ANO7: variants seen among roughly 807,000 people sequenced by gnomAD.
ANO7 encodes anoctamin 7, also known as anoctamin-7.
Under a neutral mutation model 115.8 loss-of-function variants are expected in ANO7, and 114 were observed. The ratio of observed to expected loss-of-function variants is 0.98; its 90% CI spans 0.85 to 1.15. ANO7 has a LOEUF of 1.15. ANO7 is among the 50% of genes most tolerant of loss of function. The pLI is 0.00. For missense variants in ANO7, 1,302 were observed against 1,201.2 expected, an observed-to-expected ratio of 1.08 and a Z score of -1.24; for synonymous variants, 550 against 498.2, an observed-to-expected ratio of 1.10 and a Z score of -1.38.
chr2:241,189,944 C>G (rs535849624), intron 1 of ANO7, 113 bp from the exon 2 acceptor site: 1 of 789,722 alleles, frequency 1.3e-6, no homozygotes, highest in South Asian at 1.8e-5. Flanking sequence ...CCCCATTCTA[C>G]TCCGAGTCGA....
In ANO7 at chr2:241,203,046, C is replaced by T. The variant is rs769274008; in HGVS notation, c.724-287C>T. ...CCCAGAGAAGGTGCTGGACCCTGGA[C>T]CACCGCCACTGGCTTCTCTCAGGGT... is the stretch of plus-strand genomic sequence containing the variant. On this transcript the variant is annotated intron_variant, in intron 8 of 24. Transcript: ENST00000674324. The surrounding 1 kb of genome is among the most constrained non-coding windows in gnomAD (Gnocchi z 4.8). Among the ~76,000 whole-genome samples the T allele has an allele frequency of 6.6e-6, 1 of 152,168 alleles. No individual in the cohort carries two copies. The highest frequency in any genetic ancestry group is 1.5e-5 in the Non-Finnish European group (1 of 67,998).
rs373968869 is a variant in ANO7, at chr2:241,202,220, G to T, written c.639G>T (p.Pro213=). The T allele has an allele frequency of 3.2e-5, 52 of 1,613,650 alleles. No individual in the cohort carries two copies. The Middle Eastern group carries it at 4.9e-4, about 15-fold the overall frequency. ...QILFEILAKT[P]YGHEKKNLLG... is the part of the protein sequence containing the mutation. ...TGTTTGAGATCCTGGCCAAGACCCC[G>T]TATGGCCACGAGAAGAAAAACCTGC... The change falls in exon 8 of 25, where the codon CCG becomes CCT. Residue 213 remains proline (P), a synonymous_variant. Coordinates refer to ENST00000674324, the MANE Select transcript of ANO7 (RefSeq NM_001370694.2).
the ANO7 span, chr2:241,236,594 G>A: frequency 1.2e-6 from 2 of 1,611,124 alleles, no homozygotes; most frequent in African/African-American, 1.3e-5. Context: ...GGGGGGTGGA[G>A]GGGGGCACAT....
intron 18 of ANO7, among the ~76,000 whole-genome samples, chr2:241,215,250 T>A (rs566157782): frequency 6.6e-6 from 1 of 152,296 alleles, no homozygotes; most frequent in Non-Finnish European, 1.5e-5. Context: ...TTCCTTGGCA[T>A]CCCCAGGCCC....
chr2:241,198,422 C>T (rs957205571), intron 4 of ANO7, among the ~76,000 whole-genome samples: 44 of 152,278 alleles, frequency 2.9e-4, no homozygotes, highest in African/African-American at 1.0e-3. Context: ...GTGGCGTGGT[C>T]CCATGAGTTT....
chr2:241,194,126 C>T (rs967286602), intron 3 of ANO7, among the ~76,000 whole-genome samples: 1 of 151,712 alleles, frequency 6.6e-6, no homozygotes, highest in Admixed American at 6.6e-5. Context: ...CTGCCTGCCT[C>T]GGCCTCCCAA....
At chr2:241,194,643 G>A (rs1380868166) in intron 3 of ANO7, among the ~76,000 whole-genome samples, 2 of 152,224 alleles carry the variant, frequency 1.3e-5, no homozygotes, top group African/African-American at 2.4e-5. Context: ...AAAAGAGCGA[G>A]ACAGAATGCC....
chr2:241,239,082 G>A, the ANO7 span, among the ~76,000 whole-genome samples: 19 of 150,078 alleles, frequency 1.3e-4, no homozygotes, highest in African/African-American at 4.6e-4. This position sits in a 1 kb window ranked among gnomAD's most constrained non-coding sequence, Gnocchi z 4.6. Context: ...ACTCCATGAG[G>A]AGGCATCAGA....
At chr2:241,235,062 C>A in the ANO7 span, 1 of 1,584,616 alleles carries the variant, frequency 6.3e-7, no homozygotes, top group Non-Finnish European at 8.6e-7. Flanking sequence ...TAGATTCTGA[C>A]ATGTGCCCAA....
At chr2:241,221,401 CAG>C (rs1210795630) in intron 21 of ANO7, among the ~76,000 whole-genome samples, 18 of 152,008 alleles carry the variant, frequency 1.2e-4, no homozygotes, top group African/African-American at 3.4e-4. Flanking sequence ...TTCTTTGGGA[CAG>C]AGTCTTGCTC....
downstream of ANO7, chr2:241,229,851 G>C: frequency 6.3e-7 from 1 of 1,579,650 alleles, no homozygotes; most frequent in Non-Finnish European, 8.6e-7. Context: ...TGCTGCTGGC[G>C]GTCCAGGGTG....
chr2:241,212,158 C>A lies in ANO7; in HGVS notation c.1626C>A (p.Phe542Leu). 5.6e-6 allele frequency: 9 copies of A among 1,614,156 alleles called. No individual in the cohort carries two copies. The highest frequency in any genetic ancestry group is 7.6e-6 in the Non-Finnish European group (9 of 1,180,008). ...CCCTCAAGGTGTTCATCTTCCAGTT[C>A]GTCAACTTCTACTCCTCACCCGTCT... ...AFTLKVFIFQ[F>L]VNFYSSPVYI... Residue 542 changes from phenylalanine to leucine, a missense_variant, in exon 16 of 25, where the codon TTC (phenylalanine) becomes TTA (leucine). Physicochemically the swap from Phe to Leu is conservative, Grantham distance 22. Transcript: ENST00000674324.
chr2:241,212,744 C>G (rs943418156), intron 17 of ANO7, 118 bp downstream of exon 17: 14 of 1,150,320 alleles, frequency 1.2e-5, no homozygotes, highest in African/African-American at 1.5e-5. Context: ...TTTCCATCGC[C>G]CAGCCAGGGC....
the ANO7 span, chr2:241,234,057 T>A: frequency 7.2e-7 from 1 of 1,389,982 alleles, no homozygotes; most frequent in East Asian, 2.3e-5. Flanking sequence ...ACACTGGAGA[T>A]GCTGCAGTGT....
the ANO7 span, chr2:241,235,348 G>T: frequency 6.5e-7 from 1 of 1,533,600 alleles, no homozygotes; most frequent in Non-Finnish European, 8.9e-7. Flanking sequence ...GAGAGGGAAG[G>T]CCACCCGCCG....
chr2:241,194,007 C>G (rs192625548), intron 3 of ANO7, among the ~76,000 whole-genome samples: 1 of 152,198 alleles, frequency 6.6e-6, no homozygotes, highest in Non-Finnish European at 1.5e-5. Context: ...TCCCAAGTAG[C>G]TGGGATTACA....
intron 10 of ANO7, 37 bp from the exon 11 acceptor site, chr2:241,207,537 C>A: frequency 6.3e-7 from 1 of 1,585,778 alleles, no homozygotes; most frequent in Non-Finnish European, 8.6e-7. Flanking sequence ...GCCCCCCTCC[C>A]CCATTAGCTC....
the ANO7 span, among the ~76,000 whole-genome samples, chr2:241,239,346 T>TCTCCC: frequency 6.6e-6 from 1 of 152,096 alleles, no homozygotes. The surrounding 1 kb of genome is among the most constrained non-coding windows in gnomAD (Gnocchi z 4.6). Flanking sequence ...CCTCTCTCTC[T>TCTCCC]CTCCCCTCTC....
At chr2:241,231,774 G>T in the ANO7 span, among the ~76,000 whole-genome samples, 1 of 152,228 alleles carries the variant, frequency 6.6e-6, no homozygotes, top group East Asian at 1.9e-4. Flanking sequence ...AGCAGACCAA[G>T]CAGACAGTTC....
Sources: gnomAD v4.1 joint callset for allele counts (sites outside exome capture counted in the v4.1 genomes callset) on GRCh38, gnomAD v4.1.1 for gene constraint, Gnocchi (gnomAD v3.1) non-coding constraint, MANE v1.5 for transcripts, NCBI Gene and HGNC (gene_info 2026-07-23, HGNC 2026-07-21) for gene names.